The following SUGCT variants were observed in gnomAD, a reference collection of about 807,000 sequenced individuals.
The protein encoded by SUGCT is succinyl-CoA:glutarate CoA-transferase.
SUGCT carries 41 observed loss-of-function variants against 55.0 expected under a neutral mutation model. The observed-to-expected ratio is 0.74, with a 90% confidence interval of 0.58 to 0.97. SUGCT has a LOEUF of 0.97. Among genes scored for constraint, SUGCT ranks in the 50% least tolerant of loss-of-function variants. The pLI is 0.00. For synonymous variants in SUGCT, 187 were observed against 200.4 expected, an observed-to-expected ratio of 0.93 and a Z score of 0.56; for missense variants, 568 against 547.8, an observed-to-expected ratio of 1.04 and a Z score of -0.37.
intron 9 of SUGCT, among the ~76,000 whole-genome samples, chr7:40,426,381 C>G (rs553166526): frequency 4.8e-4 from 73 of 152,114 alleles, no homozygotes; most frequent in Non-Finnish European, 9.1e-4. Flanking sequence ...ATTTCAGTGA[C>G]CCTATCCTGA....
At chr7:40,747,197 T>C (rs1321128627) in intron 12 of SUGCT, among the ~76,000 whole-genome samples, 1 of 152,202 alleles carries the variant, frequency 6.6e-6, no homozygotes, top group Non-Finnish European at 1.5e-5. Context: ...TGGTGTGTTA[T>C]CATCCTCAAT....
intron 12 of SUGCT, among the ~76,000 whole-genome samples, chr7:40,719,442 A>G (rs947563435): frequency 3.3e-5 from 5 of 152,174 alleles, no homozygotes; most frequent in African/African-American, 1.2e-4. Context: ...TTGTTCCCAC[A>G]TTGGATTCTT....
chr7:40,225,497 C>T (rs958725795), intron 6 of SUGCT, among the ~76,000 whole-genome samples: 2 of 149,614 alleles, frequency 1.3e-5, no homozygotes, highest in African/African-American at 4.9e-5. Flanking sequence ...AGTACAGTGG[C>T]ATGATCTTGG....
At chr7:40,669,628 A>G (rs1460867988) in intron 12 of SUGCT, among the ~76,000 whole-genome samples, 1 of 137,222 alleles carries the variant, frequency 7.3e-6, no homozygotes. Flanking sequence ...TACAATAACC[A>G]AAAAAAAAAC....
chr7:40,152,462 G>T (rs1788623809), intron 1 of SUGCT: 2 of 191,266 alleles, frequency 1.0e-5, no homozygotes, highest in Admixed American at 4.9e-5. Context: ...AGCTGTGGAA[G>T]AAGTGAGAGA....
At chr7:40,310,796 G>A (rs370719470) in intron 8 of SUGCT, among the ~76,000 whole-genome samples, 40 of 152,144 alleles carry the variant, frequency 2.6e-4, no homozygotes, top group South Asian at 2.3e-3. Context: ...CCCATTCTTG[G>A]CATTTAAATT....
chr7:40,308,099 T>A (rs954029762), intron 8 of SUGCT, among the ~76,000 whole-genome samples: 2 of 152,188 alleles, frequency 1.3e-5, no homozygotes, highest in African/African-American at 4.8e-5. Flanking sequence ...AACAGTGTGT[T>A]TTCTAAGTAA....
the SUGCT span, among the ~76,000 whole-genome samples, chr7:41,014,309 T>A: frequency 1.3e-5 from 2 of 152,196 alleles, no homozygotes; most frequent in Non-Finnish European, 2.9e-5. Flanking sequence ...ATGACAATCA[T>A]TCCCATGAAA....
At chr7:40,135,865 C>A (rs531072559) in intron 1 of SUGCT, among the ~76,000 whole-genome samples, 4 of 152,204 alleles carry the variant, frequency 2.6e-5, no homozygotes, top group African/African-American at 9.6e-5. Context: ...CCATATTGGC[C>A]AGGCTGGTCT....
intron 12 of SUGCT, among the ~76,000 whole-genome samples, chr7:40,653,366 G>C (rs1800869206): frequency 6.6e-6 from 1 of 152,042 alleles, no homozygotes; most frequent in African/African-American, 2.4e-5. Context: ...TATCTCTTAA[G>C]GACTTAATAC....
At chr7:40,156,844 C>T (rs574628432) in intron 1 of SUGCT, among the ~76,000 whole-genome samples, 9 of 151,962 alleles carry the variant, frequency 5.9e-5, no homozygotes, top group Non-Finnish European at 8.8e-5. Flanking sequence ...GTGAAACCCC[C>T]GTCTCTACTA....
chr7:40,244,028 C>T (rs981167040), intron 7 of SUGCT, among the ~76,000 whole-genome samples: 23 of 151,990 alleles, frequency 1.5e-4, no homozygotes, highest in Non-Finnish European at 5.9e-5. Flanking sequence ...CAAAAGTTAG[C>T]TGAGTGTGGT....
In SUGCT at chr7:40,701,395, G is replaced by A. The variant is rs1169082387; in HGVS notation, c.1090-48039G>A. Among the ~76,000 whole-genome samples, 3 of 152,294 alleles carry A rather than the reference G, an allele frequency of 2.0e-5. No individual in the cohort carries two copies. The East Asian group carries it at 5.8e-4, about 29-fold the overall frequency. ...CAGAGGCCCTGTGGGCGTCAGCTTC[G>A]CTCCTACAGCACTGGGAGGCCTGAG... is the stretch of plus-strand genomic sequence containing the variant. On this transcript the variant is annotated intron_variant, in intron 12 of 13. Transcript: ENST00000335693.
At chr7:40,386,963 C>CA (rs1785160908) in intron 9 of SUGCT, among the ~76,000 whole-genome samples, 1 of 152,146 alleles carries the variant, frequency 6.6e-6, no homozygotes, top group Non-Finnish European at 1.5e-5. Context: ...CCCTTACTCT[C>CA]ACACCAATGC....
chr7:40,805,671 C>G (rs1254855757), intron 13 of SUGCT, among the ~76,000 whole-genome samples: 2 of 152,182 alleles, frequency 1.3e-5, no homozygotes, highest in African/African-American at 4.8e-5. Context: ...AGCTGACATT[C>G]CCAAGCTGAC....
At chr7:40,259,354 T>G (rs1423192225) in intron 7 of SUGCT, among the ~76,000 whole-genome samples, 1 of 152,210 alleles carries the variant, frequency 6.6e-6, no homozygotes, top group East Asian at 1.9e-4. Flanking sequence ...GAGGGATACA[T>G]ATATACTGAG....
intron 8 of SUGCT, among the ~76,000 whole-genome samples, chr7:40,286,108 C>T (rs1217201503): frequency 3.3e-5 from 5 of 152,190 alleles, no homozygotes; most frequent in Non-Finnish European, 7.3e-5. Flanking sequence ...CCCTGCTCCT[C>T]ATCTATTATG....
intron 6 of SUGCT, among the ~76,000 whole-genome samples, chr7:40,225,722 C>T (rs1034536534): frequency 6.6e-6 from 1 of 152,056 alleles, no homozygotes; most frequent in South Asian, 2.1e-4. Context: ...AGGTGTGAGC[C>T]ACTGTGCCTG....
chr7:40,444,630 C>T (rs1011587965), intron 9 of SUGCT, among the ~76,000 whole-genome samples: 14 of 152,250 alleles, frequency 9.2e-5, no homozygotes, highest in Admixed American at 3.9e-4. Context: ...TGGGCTGAGA[C>T]GATGGGGTTT....
Sources: allele counts gnomAD v4.1 joint callset (sites outside exome capture counted in the v4.1 genomes callset), GRCh38; gene constraint gnomAD v4.1.1; transcripts MANE v1.5; gene names NCBI Gene and HGNC (gene_info 2026-07-23, HGNC 2026-07-21).